The following CYP20A1 variants were observed in gnomAD, a reference collection of about 807,000 sequenced individuals.
CYP20A1 encodes the protein cytochrome P450 family 20 subfamily A member 1.
Under a neutral mutation model 61.4 loss-of-function variants are expected in CYP20A1, and 61 were observed. That is an observed-to-expected ratio of 0.99 (90% CI 0.81 to 1.23). The LOEUF (loss-of-function observed/expected upper bound fraction) is 1.23. CYP20A1 is among the 50% of genes most tolerant of loss of function. CYP20A1 has a pLI of 0.00. For missense variants in CYP20A1, 530 were observed against 542.4 expected, an observed-to-expected ratio of 0.98 and a Z score of 0.23; for synonymous variants, 193 against 188.2, an observed-to-expected ratio of 1.03 and a Z score of -0.21.
chr2:203,283,437 C>T (rs1361908284), intron 8 of CYP20A1, among the ~76,000 whole-genome samples: 4 of 151,572 alleles, frequency 2.6e-5, no homozygotes, highest in Non-Finnish European at 5.9e-5. Context: ...AGGCTGATCT[C>T]GAACTCCTGA....
At chr2:203,256,422 C>G (rs115600411) in intron 4 of CYP20A1, among the ~76,000 whole-genome samples, 14,326 of 152,070 alleles carry the variant, frequency 0.094, 812 homozygotes, top group Non-Finnish European at 0.13. Flanking sequence ...TGCAGTGGTG[C>G]AATCTTGGCA....
rs1172249741 is a variant in CYP20A1 at position 203,304,102 on chromosome 2, C to T, written c.*7194C>T. On this transcript the variant is annotated 3_prime_UTR_variant, in exon 13 of 13. Coordinates refer to ENST00000356079, the MANE Select transcript of CYP20A1 (RefSeq NM_177538.3). The stretch of plus-strand genomic sequence containing the variant: ...GGTGTGGAGGCGGGCGAATGTAATC[C>T]CAGCTAGTTGAGAGGCTGAGGCAGG... 6.6e-6 allele frequency among the ~76,000 whole-genome samples: 1 copy of T among 151,268 alleles called. No homozygotes were observed. The highest frequency in any genetic ancestry group is 6.6e-5 in the Admixed American group (1 of 15,150).
chr2:203,264,521 C>A (rs1368392077), intron 4 of CYP20A1, among the ~76,000 whole-genome samples: 2 of 151,988 alleles, frequency 1.3e-5, no homozygotes, highest in African/African-American at 4.8e-5. Context: ...ACCTCTCTGT[C>A]ATCATAATTG....
At position 203,264,658 on chromosome 2, in the gene CYP20A1, C is replaced by T. The variant is rs557913181; in HGVS notation, c.433-1856C>T. On this transcript the variant is annotated intron_variant, in intron 4 of 12. Coordinates refer to ENST00000356079, the MANE Select transcript of CYP20A1 (RefSeq NM_177538.3). Reference sequence around the variant, plus strand: ...CTGATGCACATGGGTTTAAATTTTACTCTTTGTATACCATTTGCTACTTGT... The same window carrying T: ...CTGATGCACATGGGTTTAAATTTTATTCTTTGTATACCATTTGCTACTTGT... Among the ~76,000 whole-genome samples, 6 of 152,138 alleles carry T rather than the reference C, an allele frequency of 3.9e-5. No individual in the cohort carries two copies. In the East Asian group the frequency reaches 9.6e-4, roughly 24 times the overall value.
In CYP20A1 at chr2:203,296,469, T is replaced by C. The variant is rs1438248637; in HGVS notation, c.1149-5T>C. ...ATTGTGATTAACCTCAAATTTTCTT[T>C]GTAGGTTTGATCCAGATCGGTTTGA... On this transcript the variant is annotated splice_region_variant and splice_polypyrimidine_tract_variant and intron_variant, in intron 11 of 12. Transcript: ENST00000356079. 1.2e-6 allele frequency: 2 copies of C among 1,603,668 alleles called. No individual in the cohort carries two copies. Among genetic ancestry groups the C allele is most frequent in the Non-Finnish European group, 1.7e-6 (2 of 1,173,142 alleles).
intron 7 of CYP20A1, among the ~76,000 whole-genome samples, chr2:203,279,155 C>T (rs756895485): frequency 3.9e-5 from 6 of 152,054 alleles, no homozygotes; most frequent in Admixed American, 6.6e-5. Context: ...TTAGTAGAGA[C>T]GGAGTTTCAC....
At position 203,246,812 on chromosome 2, in the gene CYP20A1, T is replaced by C. The variant is rs781433771; in HGVS notation, c.180T>C (p.Asn60=). ...NSGSLHEFLV[N]LHERYGPVVS... Reference sequence around the variant, plus strand: ...GAAGTTTGCATGAGTTCCTGGTTAATTTGCATGAGAGATATGGGCCTGTGG... The same window carrying C: ...GAAGTTTGCATGAGTTCCTGGTTAACTTGCATGAGAGATATGGGCCTGTGG... Residue 60 remains asparagine (N), a synonymous_variant, in exon 3 of 13, where the codon AAT becomes AAC. Transcript: ENST00000356079. The C allele has an allele frequency of 3.7e-6, 6 of 1,614,214 alleles. No individual in the cohort carries two copies. The highest frequency in any genetic ancestry group is 5.1e-6 in the Non-Finnish European group (6 of 1,180,040).
chr2:203,296,880 C>T lies in CYP20A1; in HGVS notation c.1361C>T (p.Ala454Val), dbSNP rs1250764784. The T allele has an allele frequency of 1.3e-6, 2 of 1,598,196 alleles. No individual in the cohort carries two copies. Among genetic ancestry groups the T allele is most frequent in the East Asian group, 2.2e-5 (1 of 44,558 alleles). The change falls in exon 13 of 13, where the codon GCT (alanine) becomes GTT (valine). Residue 454 changes from alanine (A) to valine (V), a missense_variant. By Grantham distance (64) the Ala-to-Val change is moderately conservative (BLOSUM62 0). Coordinates refer to ENST00000356079, the MANE Select transcript of CYP20A1 (RefSeq NM_177538.3). ...CTGGTAACATCATCAAGGGAAGAAG[C>T]TTGGATCACTGTCTCAAAGAGATAT... ...YELVTSSREE[A>V]WITVSKRY is the part of the protein sequence containing the mutation.
At chr2:203,292,382 T>G in intron 11 of CYP20A1, 56 bp downstream of exon 11, 2 of 1,295,818 alleles carry the variant, frequency 1.5e-6, no homozygotes, top group South Asian at 2.4e-5. Flanking sequence ...TTGCACGTTT[T>G]GCATTCCTTT....
At chr2:203,239,165 G>A (rs749101660) in intron 1 of CYP20A1, 31 bp downstream of exon 1, 39 of 1,587,230 alleles carry the variant, frequency 2.5e-5, no homozygotes, top group Middle Eastern at 1.7e-4. Flanking sequence ...CTGGGGCCCC[G>A]GGCGCCGCCC....
At chr2:203,244,991 C>T (rs1021303303) in intron 1 of CYP20A1, among the ~76,000 whole-genome samples, 101 of 150,470 alleles carry the variant, frequency 6.7e-4, no homozygotes, top group African/African-American at 2.4e-3. Context: ...CTCGGCCTCC[C>T]AAAGTGCTGG....
rs1559113307 is a variant in CYP20A1 at position 203,301,712 on chromosome 2, A to AT, written c.*4810dup. On this transcript the variant is annotated 3_prime_UTR_variant, in exon 13 of 13. Transcript: ENST00000356079. ...ATTTGGCCCACAAAAGTACAGTTCC[A>AT]TTTTTTATATAAATAGATTCTACCT... Among the ~76,000 whole-genome samples the AT allele has an allele frequency of 6.6e-6, 1 of 152,242 alleles. No individual in the cohort carries two copies. The highest frequency in any genetic ancestry group is 1.9e-4 in the East Asian group (1 of 5,188).
intron 3 of CYP20A1, among the ~76,000 whole-genome samples, chr2:203,250,197 C>G (rs1253607049): frequency 6.6e-6 from 1 of 152,070 alleles, no homozygotes; most frequent in East Asian, 1.9e-4. Context: ...TTGAAGCAAC[C>G]TAAATATCAA....
chr2:203,284,673 C>T (rs1400749438), intron 8 of CYP20A1, among the ~76,000 whole-genome samples: 4 of 151,054 alleles, frequency 2.6e-5, no homozygotes, highest in African/African-American at 9.8e-5. Flanking sequence ...ACCTACTGAA[C>T]CAGAATTTGT....
chr2:203,255,981 T>C (rs1186108213), intron 4 of CYP20A1, among the ~76,000 whole-genome samples: 4 of 152,182 alleles, frequency 2.6e-5, no homozygotes, highest in Non-Finnish European at 5.9e-5. Context: ...TTTAATTTTT[T>C]AAGACAGAGT....
chr2:203,243,498 C>T (rs1325513517), intron 1 of CYP20A1, among the ~76,000 whole-genome samples: 2 of 152,048 alleles, frequency 1.3e-5, no homozygotes, highest in Non-Finnish European at 2.9e-5. Flanking sequence ...TCAAATCCCG[C>T]CTCAGCCTCC....
At chr2:203,243,381 A>G (rs2066326352) in intron 1 of CYP20A1, among the ~76,000 whole-genome samples, 1 of 98,116 alleles carries the variant, frequency 1.0e-5, no homozygotes, top group Non-Finnish European at 2.1e-5. Context: ...TGACCTCGTG[A>G]TCCACTCTCG....
chr2:203,251,817 A>ATATATGTGTGTATAT (rs34111991), intron 3 of CYP20A1, 150 bp from the exon 4 acceptor site: 3 of 95,308 alleles, frequency 3.1e-5, no homozygotes, highest in Non-Finnish European at 4.5e-5. Flanking sequence ...ATATATATAT[A>ATATATGTGTGTATAT]AAAAATAAAA....
chr2:203,293,803 T>A (rs1002357908), intron 11 of CYP20A1, among the ~76,000 whole-genome samples: 1 of 152,144 alleles, frequency 6.6e-6, no homozygotes, highest in Non-Finnish European at 1.5e-5. Flanking sequence ...TTTTAAAAAT[T>A]CAGAGTTTAA....
Sources: gnomAD v4.1 joint callset for allele counts (sites outside exome capture counted in the v4.1 genomes callset) on GRCh38, gnomAD v4.1.1 for gene constraint, MANE v1.5 for transcripts, NCBI Gene and HGNC (gene_info 2026-07-23, HGNC 2026-07-21) for gene names.